The following SKAP1 variants were observed in gnomAD, a reference collection of about 807,000 sequenced individuals.
The protein encoded by SKAP1 is src kinase associated phosphoprotein 1.
A neutral mutation model predicts 58.5 loss-of-function variants in SKAP1; 44 were observed. The observed-to-expected ratio is 0.75, with a 90% CI of 0.59 to 0.97. The LOEUF (loss-of-function observed/expected upper bound fraction) is 0.97, where lower values mean the gene tolerates loss of function less well. SKAP1 is among the 50% of genes least tolerant of loss of function. SKAP1 has a pLI of 0.00. For synonymous variants in SKAP1, 127 were observed against 149.7 expected, an observed-to-expected ratio of 0.85 and a Z score of 1.11; for missense variants, 390 against 435.2, an observed-to-expected ratio of 0.90 and a Z score of 0.92.
chr17:48,427,430 G>A (rs948247238), intron 1 of SKAP1, among the ~76,000 whole-genome samples: 5 of 151,980 alleles, frequency 3.3e-5, no homozygotes, highest in Admixed American at 2.0e-4. Flanking sequence ...ATAGATCTTC[G>A]TGCATATACT....
At chr17:48,276,722 G>T (rs2065705674) in intron 4 of SKAP1, among the ~76,000 whole-genome samples, 1 of 152,170 alleles carries the variant, frequency 6.6e-6, no homozygotes. Context: ...TTTAGGTGAA[G>T]GAAGCAGAGT....
the SKAP1 span, among the ~76,000 whole-genome samples, chr17:48,442,382 G>A: frequency 1.4e-3 from 216 of 152,298 alleles, 1 homozygote; most frequent in Admixed American, 2.6e-3. Context: ...ACCTGCCTAT[G>A]TATGCCTGAA....
At chr17:48,139,165 C>G (rs1452371140) in intron 11 of SKAP1, among the ~76,000 whole-genome samples, 1 of 152,010 alleles carries the variant, frequency 6.6e-6, no homozygotes, top group Non-Finnish European at 1.5e-5. Flanking sequence ...AGGTGTGAGC[C>G]ACTGTGCCTG....
At chr17:48,193,706 A>G (rs2064583298) in intron 4 of SKAP1, 1 of 984,868 alleles carries the variant, frequency 1.0e-6, no homozygotes. Flanking sequence ...AGTGATCCTG[A>G]GGATGAACAG....
At chr17:48,239,846 G>GAGAGAC (rs1555607103) in intron 4 of SKAP1, among the ~76,000 whole-genome samples, 18 of 62,780 alleles carry the variant, frequency 2.9e-4, no homozygotes, top group Admixed American at 6.2e-4. Context: ...GAGAGAGAGA[G>GAGAGAC]AGACAGAGAG....
At chr17:48,270,619 G>A (rs1184295741) in intron 4 of SKAP1, among the ~76,000 whole-genome samples, 1 of 152,074 alleles carries the variant, frequency 6.6e-6, no homozygotes, top group Non-Finnish European at 1.5e-5. Flanking sequence ...GGGGCTACAG[G>A]TGTGAGCCAC....
chr17:48,329,597 C>G (rs1468623506), intron 4 of SKAP1, among the ~76,000 whole-genome samples: 1 of 152,168 alleles, frequency 6.6e-6, no homozygotes, highest in East Asian at 1.9e-4. Context: ...ATCCCAGCTA[C>G]TTGGGAGGCT....
In SKAP1 at chr17:48,169,406, G is replaced by A. The variant is rs186832112; in HGVS notation, c.877+1203C>T. ...GAGAAAAGATATATGTGGAACATGGGCGGGTCAGAACAGATTTTCATTTGG... is the reference window on the plus strand; with the variant it reads ...GAGAAAAGATATATGTGGAACATGGACGGGTCAGAACAGATTTTCATTTGG... On this transcript the variant is annotated intron_variant, in intron 10 of 12. Transcript: ENST00000336915. 4.3e-4 allele frequency among the ~76,000 whole-genome samples: 65 copies of A among 152,330 alleles called. No homozygotes were observed. In the East Asian group the frequency reaches 9.6e-3, roughly 23 times the overall value.
chr17:48,439,616 C>T, the SKAP1 span, among the ~76,000 whole-genome samples: 1 of 152,208 alleles, frequency 6.6e-6, no homozygotes, highest in Non-Finnish European at 1.5e-5. Flanking sequence ...TTTTCCAGGA[C>T]AGTGCTATGG....
intron 1 of SKAP1, among the ~76,000 whole-genome samples, chr17:48,412,498 C>T (rs995856645): frequency 1.4e-4 from 22 of 152,094 alleles, no homozygotes; most frequent in Non-Finnish European, 2.8e-4. Context: ...AGTAGTAGTG[C>T]GATCAGCTCA....
At chr17:48,380,993 A>G (rs1044305168) in intron 2 of SKAP1, among the ~76,000 whole-genome samples, 4 of 152,242 alleles carry the variant, frequency 2.6e-5, no homozygotes, top group Admixed American at 2.0e-4. Context: ...CCTTATTTAC[A>G]GTGCTTTGTA....
At chr17:48,193,043 T>G (rs2064569488) in intron 4 of SKAP1, among the ~76,000 whole-genome samples, 1 of 152,166 alleles carries the variant, frequency 6.6e-6, no homozygotes, top group African/African-American at 2.4e-5. Context: ...TGTTGCTTTC[T>G]TTCTTTCTTT....
intron 1 of SKAP1, among the ~76,000 whole-genome samples, chr17:48,397,955 T>C (rs2067442617): frequency 6.6e-6 from 1 of 152,204 alleles, no homozygotes; most frequent in African/African-American, 2.4e-5. Context: ...CATTTTATTC[T>C]GCACAAAAGG....
chr17:48,178,072 G>A (rs1020179845), intron 9 of SKAP1, among the ~76,000 whole-genome samples: 2 of 152,100 alleles, frequency 1.3e-5, no homozygotes, highest in East Asian at 1.9e-4. Flanking sequence ...TACTCTGGGC[G>A]GTGCTGCATT....
At chr17:48,312,283 G>GA (rs1393776752) in intron 4 of SKAP1, among the ~76,000 whole-genome samples, 3 of 151,892 alleles carry the variant, frequency 2.0e-5, no homozygotes, top group African/African-American at 4.8e-5. Context: ...CTGATTGGGT[G>GA]AAAAAAAACT....
chr17:48,145,408 C>T (rs1403485136), intron 11 of SKAP1, among the ~76,000 whole-genome samples: 1 of 84,520 alleles, frequency 1.2e-5, no homozygotes, highest in Non-Finnish European at 2.3e-5. Context: ...ATGCTAATCT[C>T]CATCAACAAG....
intron 4 of SKAP1, among the ~76,000 whole-genome samples, chr17:48,216,502 T>C (rs2064940721): frequency 6.6e-6 from 1 of 152,084 alleles, no homozygotes; most frequent in Admixed American, 6.6e-5. Flanking sequence ...TACTTTTTTT[T>C]TTTTTTTGAG....
intron 4 of SKAP1, among the ~76,000 whole-genome samples, chr17:48,229,829 A>C (rs769163087): frequency 6.6e-6 from 1 of 152,190 alleles, no homozygotes; most frequent in Non-Finnish European, 1.5e-5. Context: ...AATGAAATCT[A>C]ATAGCAACTC....
chr17:48,214,225 C>G (rs1421184898), intron 4 of SKAP1, among the ~76,000 whole-genome samples: 2 of 152,174 alleles, frequency 1.3e-5, no homozygotes, highest in Admixed American at 6.5e-5. Context: ...CACCCTCGAG[C>G]CTTCAACAGA....
Sources: gnomAD v4.1 joint callset for allele counts (sites outside exome capture counted in the v4.1 genomes callset) on GRCh38, gnomAD v4.1.1 for gene constraint, MANE v1.5 for transcripts, NCBI Gene and HGNC (gene_info 2026-07-23, HGNC 2026-07-21) for gene names.